Variants in KLHL1 observed in about 807,000 individuals in gnomAD.
KLHL1 encodes kelch like family member 1.
KLHL1 carries 47 observed loss-of-function variants against 77.7 expected under a neutral mutation model. The ratio of observed to expected loss-of-function variants is 0.60; its 90% CI spans 0.48 to 0.77. The LOEUF (loss-of-function observed/expected upper bound fraction) is 0.77, where lower values mean the gene tolerates loss of function less well. KLHL1 is among the 30% of genes least tolerant of loss of function. KLHL1 has a pLI of 0.00. For synonymous variants in KLHL1, 360 were observed against 325.2 expected (o/e 1.11, Z -1.15); for missense variants, 925 against 910.8 (o/e 1.02, Z -0.20).
chr13:69,943,982 C>A (rs555543603), intron 3 of KLHL1, among the ~76,000 whole-genome samples: 1 of 152,142 alleles, frequency 6.6e-6, no homozygotes, highest in Non-Finnish European at 1.5e-5. Flanking sequence ...TTAACTATTT[C>A]TCTCAATATA....
intron 4 of KLHL1, among the ~76,000 whole-genome samples, chr13:69,917,361 T>G (rs1425907274): frequency 6.6e-6 from 1 of 152,084 alleles, no homozygotes; most frequent in African/African-American, 2.4e-5. Context: ...TTTAAAAATG[T>G]ACAAAAGTAA....
chr13:69,946,880 T>C (rs1883542483), intron 3 of KLHL1, among the ~76,000 whole-genome samples: 2 of 152,132 alleles, frequency 1.3e-5, no homozygotes, highest in Non-Finnish European at 2.9e-5. Context: ...ACATATGGTA[T>C]TATTAGGTTG....
At chr13:70,031,365 C>T (rs1343397536) in intron 1 of KLHL1, among the ~76,000 whole-genome samples, 1 of 152,042 alleles carries the variant, frequency 6.6e-6, no homozygotes, top group Non-Finnish European at 1.5e-5. Flanking sequence ...ACCTGCAGAA[C>T]TACTTTAAGA....
intron 1 of KLHL1, among the ~76,000 whole-genome samples, chr13:70,025,097 T>C (rs934648938): frequency 2.0e-5 from 3 of 152,056 alleles, no homozygotes; most frequent in Non-Finnish European, 4.4e-5. Flanking sequence ...TATAACCAGG[T>C]CAGAGGACTC....
chr13:69,901,868 G>T (rs982352798), intron 4 of KLHL1, among the ~76,000 whole-genome samples: 1 of 141,664 alleles, frequency 7.1e-6, no homozygotes, highest in Non-Finnish European at 1.5e-5. Context: ...CGCCATCTTG[G>T]CTCAATGCAA....
At chr13:70,060,003 G>A (rs1038902539) in intron 1 of KLHL1, among the ~76,000 whole-genome samples, 2 of 152,092 alleles carry the variant, frequency 1.3e-5, no homozygotes, top group Admixed American at 1.3e-4. Flanking sequence ...TTTGGGCAGG[G>A]ACACAAATCC....
intron 6 of KLHL1, among the ~76,000 whole-genome samples, chr13:69,808,531 C>T (rs1187214334): frequency 6.6e-6 from 1 of 150,412 alleles, no homozygotes; most frequent in Non-Finnish European, 1.5e-5. Context: ...AGTCATATCC[C>T]CAAGGTAAAA....
chr13:69,976,771 AG>A (rs978005952), intron 1 of KLHL1, among the ~76,000 whole-genome samples: 5 of 152,158 alleles, frequency 3.3e-5, no homozygotes, highest in Non-Finnish European at 5.9e-5. Flanking sequence ...ACCACAAAAA[AG>A]TTACATACAA....
chr13:69,814,337 T>C (rs987582384), intron 6 of KLHL1, among the ~76,000 whole-genome samples: 3 of 152,072 alleles, frequency 2.0e-5, no homozygotes, highest in African/African-American at 7.2e-5. Context: ...TTGCCAATAA[T>C]TGGCAAATAA....
rs17085666 is a variant in KLHL1 at position 69,933,115 on chromosome 13, C to G, written c.1014+6925G>C. Among the ~76,000 whole-genome samples the G allele has an allele frequency of 7.3e-3, 1,110 of 152,116 alleles. 14 individuals are homozygous for G. The highest frequency in any genetic ancestry group is 0.026 in the African/African-American group (1,072 of 41,534). On this transcript the variant is annotated intron_variant, in intron 4 of 10. Coordinates refer to ENST00000377844, the MANE Select transcript of KLHL1 (RefSeq NM_020866.3). Reference sequence around the variant, plus strand: ...TAAACGTTCATTATACTCACCCTGACCTTTTCATTTCATATATACTTACAA... The same window carrying G: ...TAAACGTTCATTATACTCACCCTGAGCTTTTCATTTCATATATACTTACAA...
intron 4 of KLHL1, among the ~76,000 whole-genome samples, chr13:69,926,147 C>T (rs983620298): frequency 4.6e-5 from 7 of 152,024 alleles, no homozygotes; most frequent in Non-Finnish European, 7.4e-5. Flanking sequence ...CACAGCTGTT[C>T]GGTTTGATTT....
intron 5 of KLHL1, among the ~76,000 whole-genome samples, chr13:69,860,342 C>T (rs1880093121): frequency 2.0e-5 from 3 of 152,086 alleles, no homozygotes; most frequent in Non-Finnish European, 4.4e-5. Context: ...GCATGTGTGA[C>T]TGACTCAATT....
At chr13:69,967,982 A>T (rs150209610) in intron 2 of KLHL1, among the ~76,000 whole-genome samples, 94 of 152,260 alleles carry the variant, frequency 6.2e-4, no homozygotes, top group Non-Finnish European at 1.0e-3. Context: ...ATTTTGAAAG[A>T]AGTTATACCG....
chr13:69,997,414 T>G (rs533413615), intron 1 of KLHL1, among the ~76,000 whole-genome samples: 1 of 151,532 alleles, frequency 6.6e-6, no homozygotes, highest in African/African-American at 2.4e-5. Flanking sequence ...CTACAAGATG[T>G]TCATCTTGCA....
intron 7 of KLHL1, among the ~76,000 whole-genome samples, chr13:69,782,732 G>T (rs1205209314): frequency 1.3e-5 from 2 of 152,302 alleles, no homozygotes; most frequent in South Asian, 4.1e-4. Flanking sequence ...CCACCTCTGG[G>T]GGCAGGGCAC....
At chr13:69,899,918 C>T (rs1415668981) in intron 4 of KLHL1, among the ~76,000 whole-genome samples, 4 of 151,884 alleles carry the variant, frequency 2.6e-5, no homozygotes, top group Non-Finnish European at 5.9e-5. Context: ...AATAGGCCCA[C>T]AAGCAGAGGA....
At chr13:70,042,370 T>C (rs1354566173) in intron 1 of KLHL1, among the ~76,000 whole-genome samples, 1 of 152,154 alleles carries the variant, frequency 6.6e-6, no homozygotes, top group African/African-American at 2.4e-5. Context: ...GGTAGGAGCA[T>C]GTGTATATTC....
At chr13:70,061,703 C>G (rs188513979) in intron 1 of KLHL1, among the ~76,000 whole-genome samples, 11 of 152,286 alleles carry the variant, frequency 7.2e-5, no homozygotes, top group Admixed American at 1.3e-4. Context: ...TATCTCAATT[C>G]TCTTCTCTCC....
intron 7 of KLHL1, among the ~76,000 whole-genome samples, chr13:69,774,198 G>T (rs988532007): frequency 1.3e-5 from 2 of 151,692 alleles, no homozygotes; most frequent in African/African-American, 4.8e-5. Flanking sequence ...TAATCATAAT[G>T]AACTATTTTT....
Sources: allele counts gnomAD v4.1 joint callset (sites outside exome capture counted in the v4.1 genomes callset), GRCh38; gene constraint gnomAD v4.1.1; transcripts MANE v1.5; gene names NCBI Gene and HGNC (gene_info 2026-07-23, HGNC 2026-07-21).